Variants in DPP6 observed in about 807,000 individuals in gnomAD.
DPP6 encodes dipeptidyl peptidase like 6.
In DPP6, 69 loss-of-function variants were observed where a neutral mutation model predicts 122.6. That is an observed-to-expected ratio of 0.56 (90% CI 0.46 to 0.69). The LOEUF (loss-of-function observed/expected upper bound fraction) is 0.69. Among genes scored for constraint, DPP6 ranks in the 30% least tolerant of loss-of-function variants. DPP6 has a pLI of 0.00. For missense variants in DPP6, 928 were observed against 1,116.9 expected, an observed-to-expected ratio of 0.83 and a Z score of 2.41; for synonymous variants, 418 against 433.1, an observed-to-expected ratio of 0.97 and a Z score of 0.43.
chr7:154,818,063 C>T (rs778204431), intron 16 of DPP6, among the ~76,000 whole-genome samples: 2 of 152,160 alleles, frequency 1.3e-5, no homozygotes, highest in Non-Finnish European at 2.9e-5. Flanking sequence ...TATCCTAAAA[C>T]TCACCTTGTA....
rs1212960434 is a variant in DPP6 at position 154,662,751 on chromosome 7, A to G, written c.681-6609A>G. On this transcript the variant is annotated intron_variant, in intron 6 of 25. Transcript: ENST00000377770. ...TATTGGCCGTAGTGTTCATATAGTC[A>G]TGGTGAATCACCATGGCGTATTGGC... Among the ~76,000 whole-genome samples the G allele has an allele frequency of 3.0e-5, 2 of 66,318 alleles. 1 individual carries two copies. The allele number at this position is 66,318 out of a possible 152,430, so 43.5% of individuals were successfully genotyped here. A position where few individuals can be genotyped will look rare whatever the true frequency, so the allele number is the denominator to read the frequency against.
At chr7:153,811,334 A>G in the DPP6 span, among the ~76,000 whole-genome samples, 2 of 152,150 alleles carry the variant, frequency 1.3e-5, no homozygotes, top group Non-Finnish European at 2.9e-5. Flanking sequence ...TTGCTCTGGA[A>G]TATGGCCCAT....
intron 1 of DPP6, among the ~76,000 whole-genome samples, chr7:154,062,711 T>G (rs1389804983): frequency 1.5e-5 from 1 of 66,146 alleles, no homozygotes; most frequent in Non-Finnish European, 2.7e-5. Context: ...ACCTGGCTGT[T>G]GGTACCCCCA....
At chr7:154,077,814 G>A (rs1803677461) in intron 1 of DPP6, among the ~76,000 whole-genome samples, 1 of 151,800 alleles carries the variant, frequency 6.6e-6, no homozygotes, top group South Asian at 2.1e-4. Flanking sequence ...GAGACTACAG[G>A]CACGCATCAC....
At chr7:153,901,416 T>C (rs2128998514) in intron 1 of DPP6, among the ~76,000 whole-genome samples, 1 of 152,286 alleles carries the variant, frequency 6.6e-6, no homozygotes, top group South Asian at 2.1e-4. Context: ...CGGATAAAGG[T>C]CGAAACCCTC....
At chr7:153,960,045 G>C (rs547384716) in intron 1 of DPP6, among the ~76,000 whole-genome samples, 1 of 152,274 alleles carries the variant, frequency 6.6e-6, no homozygotes, top group Non-Finnish European at 1.5e-5. Flanking sequence ...TTTTTGAAAA[G>C]AGTAAAAAAC....
chr7:154,878,430 G>A (rs1805068852), intron 20 of DPP6, among the ~76,000 whole-genome samples: 1 of 152,252 alleles, frequency 6.6e-6, no homozygotes, highest in South Asian at 2.1e-4. Context: ...TAGAGCCGTT[G>A]CCAAAGCACA....
At chr7:154,803,457 C>T (rs544465086) in intron 13 of DPP6, among the ~76,000 whole-genome samples, 1 of 152,196 alleles carries the variant, frequency 6.6e-6, no homozygotes, top group East Asian at 1.9e-4. Context: ...TTCCCTCCAC[C>T]TCCCGGCATT....
At chr7:154,340,320 C>T (rs1281507611) in intron 1 of DPP6, among the ~76,000 whole-genome samples, 1 of 152,194 alleles carries the variant, frequency 6.6e-6, no homozygotes, top group Non-Finnish European at 1.5e-5. Flanking sequence ...AATGTACAAG[C>T]AGCTGAACAA....
intron 8 of DPP6, among the ~76,000 whole-genome samples, chr7:154,741,741 C>T (rs1210486919): frequency 6.6e-6 from 1 of 152,204 alleles, no homozygotes; most frequent in Non-Finnish European, 1.5e-5. Flanking sequence ...CAGATCAGCT[C>T]TTTCTCTGCT....
chr7:154,393,210 G>C (rs1214084678), intron 1 of DPP6, among the ~76,000 whole-genome samples: 1 of 152,112 alleles, frequency 6.6e-6, no homozygotes, highest in Non-Finnish European at 1.5e-5. Flanking sequence ...ATCATTTTTG[G>C]ACTTAAAATG....
intron 1 of DPP6, among the ~76,000 whole-genome samples, chr7:154,281,816 T>C (rs778237152): frequency 1.3e-5 from 2 of 152,176 alleles, no homozygotes; most frequent in Non-Finnish European, 2.9e-5. Context: ...ATACCACATA[T>C]TTAGAATTTG....
At chr7:153,930,860 C>A (rs1176989504) in intron 1 of DPP6, among the ~76,000 whole-genome samples, 1 of 152,158 alleles carries the variant, frequency 6.6e-6, no homozygotes, top group African/African-American at 2.4e-5. Context: ...ACTGGAGGGA[C>A]TGGGTTTGGG....
intron 8 of DPP6, among the ~76,000 whole-genome samples, chr7:154,763,399 AAAAGAAAGG>A (rs1007362629): frequency 6.6e-6 from 1 of 152,156 alleles, no homozygotes; most frequent in African/African-American, 2.4e-5. Flanking sequence ...GGAAAGGGAG[AAAAGAAAGG>A]AAAGAAAGAA....
chr7:154,488,576 T>C (rs1338084361), intron 3 of DPP6, among the ~76,000 whole-genome samples: 3 of 151,306 alleles, frequency 2.0e-5, no homozygotes, highest in Non-Finnish European at 4.4e-5. Flanking sequence ...TCATACTAGA[T>C]GTGTTCTCCA....
At chr7:153,849,428 C>T in the DPP6 span, among the ~76,000 whole-genome samples, 2 of 152,082 alleles carry the variant, frequency 1.3e-5, no homozygotes, top group Non-Finnish European at 2.9e-5. Flanking sequence ...AGCCAGCCCC[C>T]CTTATTGCTT....
Position 154,868,111 on chromosome 7 carries a change from C to A in DPP6, c.1813+18C>A, listed in dbSNP as rs754745856. On this transcript the variant is annotated intron_variant, in intron 18 of 25. Coordinates refer to ENST00000377770, the MANE Select transcript of DPP6 (RefSeq NM_130797.4). The stretch of plus-strand genomic sequence containing the variant: ...TGATTACAGTAAGTACTACGTTTTT[C>A]CCCTCTAAAAGAAAAAGAAAAAGAA... 3.2e-6 allele frequency: 5 copies of A among 1,584,036 alleles called. No individual in the cohort carries two copies. The highest frequency in any genetic ancestry group is 4.3e-6 in the Non-Finnish European group (5 of 1,165,150).
chr7:154,740,217 C>A (rs1842753057), intron 8 of DPP6, among the ~76,000 whole-genome samples: 1 of 151,692 alleles, frequency 6.6e-6, no homozygotes, highest in South Asian at 2.1e-4. Flanking sequence ...GACAAACACA[C>A]TTTTACCTTT....
At chr7:153,896,627 A>C (rs38977) in intron 1 of DPP6, among the ~76,000 whole-genome samples, 121,882 of 151,962 alleles carry the variant, frequency 0.8, 48,893 homozygotes, top group East Asian at 0.82. Context: ...CAACATAGAC[A>C]GCATCTCTAC....
Sources: gnomAD v4.1 joint callset for allele counts (sites outside exome capture counted in the v4.1 genomes callset) on GRCh38, gnomAD v4.1.1 for gene constraint, MANE v1.5 for transcripts, NCBI Gene and HGNC (gene_info 2026-07-23, HGNC 2026-07-21) for gene names.